Variants in WDR18 observed in about 807,000 individuals in gnomAD.
WDR18 encodes WD repeat-containing protein 18.
WDR18 carries 33 observed loss-of-function variants against 49.6 expected under a neutral mutation model. The ratio of observed to expected loss-of-function variants is 0.67; its 90% CI spans 0.50 to 0.89. The LOEUF is 0.89. WDR18 is among the 40% of genes least tolerant of loss of function. The pLI is 0.00. For synonymous variants in WDR18, 315 were observed against 263.6 expected, an observed-to-expected ratio of 1.19 and a Z score of -1.89; for missense variants, 653 against 593.6, an observed-to-expected ratio of 1.10 and a Z score of -1.04.
chr19:990,968 C>T lies in WDR18; in HGVS notation c.714C>T (p.Ser238=). 1 of 1,611,172 alleles carries T rather than the reference C, an allele frequency of 6.2e-7. No individual in the cohort carries two copies. ...HHMFCGGSEG[S]IFQVDLFTWP... ...TGTTCTGCGGGGGCAGTGAGGGCTC[C>T]ATCTTCCAGGTCGACCTCTTCACCT... The change falls in exon 5 of 10, where the codon TCC becomes TCT. Residue 238 remains serine (S), a synonymous_variant. Transcript: ENST00000585809.
chr19:990,707 C>G, intron 4 of WDR18, 145 bp from the exon 5 acceptor site: 5 of 1,260,616 alleles, frequency 4.0e-6, no homozygotes, highest in Non-Finnish European at 5.3e-6. Context: ...GCCCCCAAGA[C>G]CCACATGGTG....
chr19:987,045 T>G (rs146251172), intron 2 of WDR18, among the ~76,000 whole-genome samples: 128 of 151,974 alleles, frequency 8.4e-4, no homozygotes, highest in African/African-American at 2.9e-3. Flanking sequence ...CTCGGAGAGA[T>G]AAAAAAGCCA....
intron 8 of WDR18, among the ~76,000 whole-genome samples, chr19:992,998 C>T (rs2038579823): frequency 6.6e-6 from 1 of 152,258 alleles, no homozygotes; most frequent in Non-Finnish European, 1.5e-5. Flanking sequence ...CGTTATCTCC[C>T]TTGTCCGTGC....
chr19:991,391 G>A lies in WDR18; in HGVS notation c.931+40G>A, dbSNP rs1046885773. 3.4e-6 allele frequency: 5 copies of A among 1,484,806 alleles called. No homozygotes were observed. In the African/African-American group the frequency reaches 4.3e-5, roughly 13 times the overall value. 92.0% of individuals were successfully genotyped at this position (1,484,806 alleles called of 1,614,324 possible). A position where few individuals can be genotyped will look rare whatever the true frequency, so the allele number is the denominator to read the frequency against. On this transcript the variant is annotated intron_variant, in intron 7 of 9. Coordinates refer to ENST00000585809, the MANE Select transcript of WDR18 (RefSeq NM_024100.4). ...GCTCGGCCCGCGGCCAGCGCGCAGG[G>A]GAAAAAGCCAGCAGGAGCTCCGGGC...
rs1340731704 is a variant in WDR18 at position 987,829 on chromosome 19, G to GTTTTGTTTTTTTTT, written c.321+1858_321+1859insGTTTTTTTTTTTTT. Among the ~76,000 whole-genome samples the GTTTTGTTTTTTTTT allele has an allele frequency of 3.3e-5, 3 of 91,820 alleles. No homozygotes were observed. In the Admixed American group the frequency reaches 3.4e-4, roughly 10 times the overall value. The allele number at this position is 91,820 out of a possible 152,430, so 60.2% of individuals were successfully genotyped here. On this transcript the variant is annotated intron_variant, in intron 2 of 9. Transcript: ENST00000585809. Reference sequence around the variant, plus strand: ...ACCCCTGCTCCCCTAGCCGCCTCCAGTTTTTTTTTTTTTTTTTTTTTTTCA... The same window carrying GTTTTGTTTTTTTTT: ...ACCCCTGCTCCCCTAGCCGCCTCCAGTTTTGTTTTTTTTTTTTTTTTTTTTTTTTTTTTTTTTCA...
chr19:989,819 C>A lies in WDR18; in HGVS notation c.379C>A (p.Leu127Ile), dbSNP rs1420389045. 3 of 1,612,866 alleles carry A rather than the reference C, an allele frequency of 1.9e-6. No individual in the cohort carries two copies. Among genetic ancestry groups the A allele is most frequent in the Non-Finnish European group, 2.5e-6 (3 of 1,179,866 alleles). Reference protein sequence around the residue: ...LSRHYQDVSCLQFTGDSSHFI... With the variant: ...LSRHYQDVSCIQFTGDSSHFI... The stretch of plus-strand genomic sequence containing the variant: ...TCGACACTACCAGGACGTCTCCTGC[C>A]TTCAGTTCACAGGGGACAGCAGCCA... Residue 127 changes from leucine to isoleucine, a missense_variant, in exon 3 of 10, where the codon CTT (leucine) becomes ATT (isoleucine). Physicochemically the swap from Leu to Ile is conservative, Grantham distance 5. Transcript: ENST00000585809.
At chr19:993,911 T>C (rs1002922077) in intron 8 of WDR18, 109 bp from the exon 9 acceptor site, 13 of 1,226,428 alleles carry the variant, frequency 1.1e-5, no homozygotes, top group East Asian at 7.6e-5. Context: ...GGCGTCACGG[T>C]GGCCCCTCCC....
At position 991,004 on chromosome 19, in the gene WDR18, C is replaced by G. The variant is rs372042080; in HGVS notation, c.741+9C>G. 1.4e-5 allele frequency: 22 copies of G among 1,604,354 alleles called. No homozygotes were observed. In the South Asian group the frequency reaches 2.2e-4, roughly 16 times the overall value. ...TCGACCTCTTCACCTGGGTGAGTGC[C>G]GCGGTCTGCGGGCTGCACCCTGCCC... On this transcript the variant is annotated intron_variant, in intron 5 of 9. Coordinates refer to ENST00000585809, the MANE Select transcript of WDR18 (RefSeq NM_024100.4).
Position 986,564 on chromosome 19 carries a change from C to T in WDR18, c.321+589C>T, listed in dbSNP as rs140097372. On this transcript the variant is annotated intron_variant, in intron 2 of 9. Coordinates refer to ENST00000585809, the MANE Select transcript of WDR18 (RefSeq NM_024100.4). ...GATTACAGGCGTGAGCCACCGCGCC[C>T]GGCCAGTGCCTCCTTTTTCTTACCG... Among the ~76,000 whole-genome samples the T allele has an allele frequency of 3.9e-3, 591 of 152,302 alleles. 1 individual carries two copies. The highest frequency in any genetic ancestry group is 0.013 in the South Asian group (61 of 4,830).
chr19:988,717 C>T (rs146071346), intron 2 of WDR18, among the ~76,000 whole-genome samples: 15 of 152,218 alleles, frequency 9.9e-5, no homozygotes, highest in East Asian at 1.9e-4. Context: ...CCCACCTCTC[C>T]GGTGGTGGCC....
At position 994,036 on chromosome 19, in the gene WDR18, A is replaced by G. The variant is rs1220793420; in HGVS notation, c.1115A>G (p.Tyr372Cys). 1.3e-6 allele frequency: 2 copies of G among 1,557,708 alleles called. No individual in the cohort carries two copies. The highest frequency in any genetic ancestry group is 1.4e-5 in the African/African-American group (1 of 73,342). The part of the protein sequence containing the change: ...GLHQQGSEPS[Y>C]LDRTEQLQAV... ...GTGTTACAGGGCTCGGAGCCCAGCT[A>G]CCTGGACCGCACGGAGCAGCTGCAG... is the stretch of plus-strand genomic sequence containing the variant. The change falls in exon 9 of 10, where the codon TAC (tyrosine) becomes TGC (cysteine). Residue 372 changes from tyrosine (Y) to cysteine (C), a missense_variant. By Grantham distance (194) the Tyr-to-Cys change is radical (BLOSUM62 -2). Coordinates refer to ENST00000585809, the MANE Select transcript of WDR18 (RefSeq NM_024100.4).
In WDR18 at chr19:985,982, G is replaced by C. The variant is rs1236558712; in HGVS notation, c.321+7G>C. ...AAGCATCCACCTGTGGGAGGTAAGA[G>C]GAGCAAAGCGTGAGCGTTTCCCACA... On this transcript the variant is annotated splice_region_variant and intron_variant, in intron 2 of 9. Transcript: ENST00000585809. 6.2e-7 allele frequency: 1 copy of C among 1,612,834 alleles called. No individual in the cohort carries two copies. Among genetic ancestry groups the C allele is most frequent in the East Asian group, 2.2e-5 (1 of 44,874 alleles).
Position 989,902 on chromosome 19 carries a change from C to A in WDR18, c.455+7C>A. On this transcript the variant is annotated splice_region_variant and intron_variant, in intron 3 of 9. Coordinates refer to ENST00000585809, the MANE Select transcript of WDR18 (RefSeq NM_024100.4). ...TGGTTTGGAGCCTCTGCAGGTAGCG[C>A]CTTGCGCACTCAGGCCTGCACCTGG... 2 of 1,599,654 alleles carry A rather than the reference C, an allele frequency of 1.3e-6. No individual in the cohort carries two copies. Among genetic ancestry groups the A allele is most frequent in the Non-Finnish European group, 1.7e-6 (2 of 1,173,002 alleles).
In WDR18 at chr19:994,443, C is replaced by G; in HGVS notation, c.*99C>G. On this transcript the variant is annotated 3_prime_UTR_variant, in exon 10 of 10. Transcript: ENST00000585809. ...GCCCCCACCAGCCCAGGCCTGGACTCTCCTCAGTTCTGTGTCGTGTTCGGG... is the reference window on the plus strand; with the variant it reads ...GCCCCCACCAGCCCAGGCCTGGACTGTCCTCAGTTCTGTGTCGTGTTCGGG... 1 of 1,467,262 alleles carries G rather than the reference C, an allele frequency of 6.8e-7. No homozygotes were observed. The highest frequency in any genetic ancestry group is 2.5e-5 in the East Asian group (1 of 40,106). The allele number at this position is 1,467,262 out of a possible 1,614,324, so 90.9% of individuals were successfully genotyped here.
chr19:988,032 G>T (rs953406887), intron 2 of WDR18, among the ~76,000 whole-genome samples: 9 of 151,778 alleles, frequency 5.9e-5, no homozygotes, highest in African/African-American at 2.2e-4. Context: ...GTTTTGCCAG[G>T]TTGGCCAGGC....
At chr19:992,148 C>G in intron 8 of WDR18, 27 bp downstream of exon 8, 1 of 1,432,224 alleles carries the variant, frequency 7.0e-7, no homozygotes, top group Non-Finnish European at 9.1e-7. Context: ...GGAACCCCCA[C>G]TGCCCTTTTG....
intron 8 of WDR18, 81 bp from the exon 9 acceptor site, chr19:993,939 A>T: frequency 6.7e-7 from 1 of 1,485,876 alleles, no homozygotes; most frequent in East Asian, 2.5e-5. Flanking sequence ...GTGGCTGCCC[A>T]CGCTGGCGGG....
chr19:986,539 G>C (rs1431018719), intron 2 of WDR18, among the ~76,000 whole-genome samples: 9 of 152,132 alleles, frequency 5.9e-5, no homozygotes, highest in African/African-American at 2.2e-4. Flanking sequence ...AGAGTAGTGG[G>C]ATTACAGGCG....
rs2038490657 is a variant in WDR18, at chr19:987,829, G to GTTTTTTTTGTTTTTTTT, written c.321+1862_321+1863insGTTTTTTTTTTTTTTTT. ...ACCCCTGCTCCCCTAGCCGCCTCCA[G>GTTTTTTTTGTTTTTTTT]TTTTTTTTTTTTTTTTTTTTTTTCA... On this transcript the variant is annotated intron_variant, in intron 2 of 9. Coordinates refer to ENST00000585809, the MANE Select transcript of WDR18 (RefSeq NM_024100.4). Among the ~76,000 whole-genome samples the GTTTTTTTTGTTTTTTTT allele has an allele frequency of 8.7e-5, 8 of 91,822 alleles. 1 individual carries two copies. The highest frequency in any genetic ancestry group is 3.7e-4 in the African/African-American group (7 of 18,910). 60.2% of individuals were successfully genotyped at this position (91,822 alleles called of 152,430 possible). A position where few individuals can be genotyped will look rare whatever the true frequency, so the allele number is the denominator to read the frequency against.
Sources: gnomAD v4.1 joint callset for allele counts (sites outside exome capture counted in the v4.1 genomes callset) on GRCh38, gnomAD v4.1.1 for gene constraint, MANE v1.5 for transcripts, NCBI Gene and HGNC (gene_info 2026-07-23, HGNC 2026-07-21) for gene names.